NPIPB2: variants seen among roughly 807,000 people sequenced by gnomAD.
The protein encoded by NPIPB2 is nuclear pore complex-interacting protein family member B2.
Under a neutral mutation model 30.8 loss-of-function variants are expected in NPIPB2, and 27 were observed. That is an observed-to-expected ratio of 0.88 (90% CI 0.65 to 1.21). The LOEUF is 1.21. Ranked by LOEUF, NPIPB2 falls within the 50% of genes most tolerant of loss-of-function variation. The probability of loss-of-function intolerance (pLI) is 0.00; values close to 1 mark genes in which losing one functional copy is unlikely to be tolerated. For missense variants in NPIPB2, 440 were observed against 446.2 expected, an observed-to-expected ratio of 0.99 and a Z score of 0.13; for synonymous variants, 147 against 162.0, an observed-to-expected ratio of 0.91 and a Z score of 0.70.
At chr16:11,967,866 G>A (rs767384119) in intron 1 of NPIPB2, 3 of 1,606,914 alleles carry the variant, frequency 1.9e-6, no homozygotes, top group South Asian at 1.1e-5. Context: ...TTCGACTCGA[G>A]CAGTGCCACT....
At chr16:11,959,197 A>G (rs2055136629) in intron 1 of NPIPB2, among the ~76,000 whole-genome samples, 2 of 151,996 alleles carry the variant, frequency 1.3e-5, no homozygotes, top group African/African-American at 4.8e-5. Flanking sequence ...TGTTCCTTCT[A>G]TGTCACGCAA....
At chr16:11,931,634 A>G (rs2054791452) in intron 4 of NPIPB2, among the ~76,000 whole-genome samples, 1 of 149,308 alleles carries the variant, frequency 6.7e-6, no homozygotes, top group Admixed American at 6.7e-5. Context: ...GCCAGTGAGG[A>G]CATCACTACT....
intron 1 of NPIPB2, among the ~76,000 whole-genome samples, chr16:11,947,322 T>TTTTA (rs1555509076): frequency 1.7e-5 from 2 of 119,998 alleles, no homozygotes; most frequent in African/African-American, 4.4e-5. Context: ...ATTTATTTAT[T>TTTTA]TATATATATA....
intron 1 of NPIPB2, among the ~76,000 whole-genome samples, chr16:11,975,369 G>A (rs1171951026): frequency 6.7e-6 from 1 of 149,222 alleles, no homozygotes; most frequent in Admixed American, 6.7e-5. Context: ...GGATGGTCTC[G>A]ATCTCCTGAC....
upstream of NPIPB2, among the ~76,000 whole-genome samples, chr16:11,942,988 C>T (rs1200001476): frequency 6.6e-5 from 10 of 152,022 alleles, no homozygotes; most frequent in Non-Finnish European, 1.2e-4. Context: ...AATGCCTTTA[C>T]CATAAATAGA....
chr16:11,961,796 A>C (rs1297033593), intron 1 of NPIPB2, among the ~76,000 whole-genome samples: 3 of 150,494 alleles, frequency 2.0e-5, no homozygotes, highest in African/African-American at 7.3e-5. Flanking sequence ...AAAAAAAAAA[A>C]GGTATGAGCA....
At chr16:11,957,165 CTTTTTTT>C (rs34981281) in intron 1 of NPIPB2, among the ~76,000 whole-genome samples, 6 of 118,942 alleles carry the variant, frequency 5.0e-5, no homozygotes, top group Non-Finnish European at 6.9e-5. Context: ...CTAACTTTTT[CTTTTTTT>C]TTTTTTTTTT....
intron 1 of NPIPB2, among the ~76,000 whole-genome samples, chr16:11,970,860 C>CTT (rs59476811): frequency 4.7e-5 from 5 of 107,484 alleles, no homozygotes; most frequent in South Asian, 5.0e-4. Context: ...TTACTCGTTT[C>CTT]TTTTTTTTTT....
At chr16:11,965,474 C>T (rs909750928) in intron 1 of NPIPB2, 18 of 1,612,294 alleles carry the variant, frequency 1.1e-5, no homozygotes, top group South Asian at 8.8e-5. Context: ...ATTGCTTGAA[C>T]GATTATTCAT....
chr16:11,955,154 G>C (rs985568092), intron 1 of NPIPB2, among the ~76,000 whole-genome samples: 2 of 151,802 alleles, frequency 1.3e-5, no homozygotes, highest in African/African-American at 4.8e-5. Flanking sequence ...AGGAGTCCGA[G>C]ACCAGCCTGG....
At chr16:11,971,807 G>C (rs539964720) in intron 1 of NPIPB2, among the ~76,000 whole-genome samples, 24 of 152,162 alleles carry the variant, frequency 1.6e-4, no homozygotes, top group South Asian at 4.2e-4. Flanking sequence ...TAGATTCAAA[G>C]ATTTTCTGAT....
At chr16:11,960,358 T>C (rs2055144611) in intron 1 of NPIPB2, among the ~76,000 whole-genome samples, 2 of 149,808 alleles carry the variant, frequency 1.3e-5, no homozygotes, top group African/African-American at 2.4e-5. Context: ...GTTCCCTTTT[T>C]TTTTTTTTTT....
At chr16:11,976,599 C>G (rs144930188) in exon 1 of NPIPB2, 3,919 of 365,138 alleles carry the variant, frequency 0.011, 54 homozygotes, top group East Asian at 0.05. Flanking sequence ...GCCTCAGCAC[C>G]GCTCTCCACA....
rs1381944785 is a variant in NPIPB2, at chr16:11,927,574, C to T, written c.993G>A (p.Glu331=). 2.5e-6 allele frequency: 4 copies of T among 1,608,164 alleles called. No homozygotes were observed. In the South Asian group the frequency reaches 3.3e-5, roughly 13 times the overall value. ...TCTTGGGTTTGGGTGGTTTTTCTGCCTCAGCCTCCTGAGTAGCTAAGGGAG... is the reference window on the plus strand; with the variant it reads ...TCTTGGGTTTGGGTGGTTTTTCTGCTTCAGCCTCCTGAGTAGCTAAGGGAG... The change falls in exon 8 of 8, where the codon GAG becomes GAA. Residue 331 remains glutamate (E), a synonymous_variant. Coordinates refer to ENST00000399147, the Ensembl canonical transcript of NPIPB2.
chr16:11,955,042 C>G (rs1485811226), intron 1 of NPIPB2, among the ~76,000 whole-genome samples: 1 of 152,118 alleles, frequency 6.6e-6, no homozygotes, highest in Non-Finnish European at 1.5e-5. Context: ...ATCTGCCTCT[C>G]CTGTATTATT....
At chr16:11,966,095 A>G in intron 1 of NPIPB2, 1 of 1,297,666 alleles carries the variant, frequency 7.7e-7, no homozygotes, top group Non-Finnish European at 1.0e-6. Context: ...TGGGCAACAG[A>G]GCAAGACTTT....
intron 1 of NPIPB2, among the ~76,000 whole-genome samples, chr16:11,958,218 G>C (rs1221287970): frequency 6.6e-6 from 1 of 151,920 alleles, no homozygotes; most frequent in African/African-American, 2.4e-5. Context: ...CTGAGGTCAG[G>C]AGTTCAAGAC....
At chr16:11,958,228 C>T (rs535572273) in intron 1 of NPIPB2, among the ~76,000 whole-genome samples, 1 of 152,084 alleles carries the variant, frequency 6.6e-6, no homozygotes, top group Admixed American at 6.6e-5. Flanking sequence ...GAGTTCAAGA[C>T]TAGCCTGGCC....
chr16:11,941,990 G>C (rs1228664357), exon 1 of NPIPB2: 2 of 1,174,368 alleles, frequency 1.7e-6, no homozygotes, highest in African/African-American at 1.6e-5. Flanking sequence ...TACCCAAGCA[G>C]AGTGCCAGGT....
Sources: gnomAD v4.1 joint callset for allele counts (sites outside exome capture counted in the v4.1 genomes callset) on GRCh38, gnomAD v4.1.1 for gene constraint, MANE v1.5 for transcripts, NCBI Gene and HGNC (gene_info 2026-07-23, HGNC 2026-07-21) for gene names.